HS3ST4: variants seen among roughly 807,000 people sequenced by gnomAD.
HS3ST4 encodes the protein heparan sulfate-glucosamine 3-sulfotransferase 4.
HS3ST4 carries 17 observed loss-of-function variants against 29.2 expected under a neutral mutation model. That is an observed-to-expected ratio of 0.58 (90% CI 0.40 to 0.87). HS3ST4 has a LOEUF of 0.87. Ranked by LOEUF, HS3ST4 falls within the 40% of genes least tolerant of loss-of-function variation. The pLI is 0.00. For synonymous variants in HS3ST4, 314 were observed against 285.7 expected (o/e 1.10, Z -1.00); for missense variants, 627 against 634.5 (o/e 0.99, Z 0.13).
At chr16:26,064,403 G>C (rs1322255237) in intron 1 of HS3ST4, among the ~76,000 whole-genome samples, 1 of 152,168 alleles carries the variant, frequency 6.6e-6, no homozygotes, top group Non-Finnish European at 1.5e-5. Flanking sequence ...ATGAGCAAAG[G>C]CTCAGAGGGA....
intron 1 of HS3ST4, among the ~76,000 whole-genome samples, chr16:26,124,081 C>T (rs868651060): frequency 3.3e-5 from 5 of 152,032 alleles, no homozygotes; most frequent in African/African-American, 7.2e-5. Flanking sequence ...CCACCACACC[C>T]GTCTAATTTT....
chr16:25,790,271 G>A (rs764074444), intron 1 of HS3ST4, among the ~76,000 whole-genome samples: 7 of 152,134 alleles, frequency 4.6e-5, no homozygotes, highest in Non-Finnish European at 8.8e-5. Flanking sequence ...TTAGCTGGAT[G>A]TGATGGCAGG....
chr16:25,862,976 G>A lies in HS3ST4; in HGVS notation c.734+169825G>A, dbSNP rs1416004553. 3.3e-5 allele frequency among the ~76,000 whole-genome samples: 5 copies of A among 152,102 alleles called. No individual in the cohort carries two copies. The East Asian group carries it at 9.7e-4, about 29-fold the overall frequency. ...TTTTCATCTTTGTCAAATATGTGTA[G>A]TGTGGGCTTATTATGTCTTTGATTT... On this transcript the variant is annotated intron_variant, in intron 1 of 1. Transcript: ENST00000331351.
intron 1 of HS3ST4, among the ~76,000 whole-genome samples, chr16:25,894,759 G>A (rs1253153856): frequency 1.3e-5 from 2 of 152,030 alleles, no homozygotes; most frequent in Admixed American, 6.6e-5. Context: ...ACCTGCCTCC[G>A]CCTCCCAAAG....
intron 1 of HS3ST4, among the ~76,000 whole-genome samples, chr16:26,086,005 C>T (rs1156578127): frequency 6.6e-6 from 1 of 152,134 alleles, no homozygotes; most frequent in Non-Finnish European, 1.5e-5. Context: ...CAACTCATCT[C>T]TCTGACCCTC....
At chr16:25,869,152 G>C (rs1038362940) in intron 1 of HS3ST4, among the ~76,000 whole-genome samples, 1 of 152,110 alleles carries the variant, frequency 6.6e-6, no homozygotes, top group Non-Finnish European at 1.5e-5. Context: ...TCTGCTACTC[G>C]GGAGTGGGAG....
In HS3ST4 at chr16:25,830,285, C is replaced by T. The variant is rs578148054; in HGVS notation, c.734+137134C>T. ...TAAGATCAGTGCACGTTTCACGATG[C>T]CACATTTACATTGCTTTTCTTTTCT... On this transcript the variant is annotated intron_variant, in intron 1 of 1. Transcript: ENST00000331351. Among the ~76,000 whole-genome samples, 15 of 152,346 alleles carry T rather than the reference C, an allele frequency of 9.8e-5. No homozygotes were observed. In the South Asian group the frequency reaches 2.9e-3, roughly 29 times the overall value.
intron 1 of HS3ST4, among the ~76,000 whole-genome samples, chr16:26,029,856 G>T (rs1969516222): frequency 6.6e-6 from 1 of 152,188 alleles, no homozygotes; most frequent in South Asian, 2.1e-4. Flanking sequence ...GTCAAAAGAA[G>T]TGAGTTATCC....
intron 1 of HS3ST4, among the ~76,000 whole-genome samples, chr16:26,096,838 C>G (rs62036773): frequency 1.1e-3 from 169 of 151,886 alleles, no homozygotes; most frequent in Admixed American, 2.8e-3. Context: ...AAAACCCCAT[C>G]GTCTCAGCCC....
intron 1 of HS3ST4, among the ~76,000 whole-genome samples, chr16:25,738,565 G>T (rs924386004): frequency 6.6e-6 from 1 of 152,164 alleles, no homozygotes; most frequent in Admixed American, 6.5e-5. Flanking sequence ...GTCAGGAGTT[G>T]CTGAATGTCC....
chr16:25,835,711 T>G (rs1278878656), intron 1 of HS3ST4, among the ~76,000 whole-genome samples: 2 of 152,198 alleles, frequency 1.3e-5, no homozygotes, highest in Non-Finnish European at 1.5e-5. Flanking sequence ...GGCAATTCTG[T>G]GCTGTTTCTT....
chr16:25,728,168 A>AT (rs1966549678), intron 1 of HS3ST4, among the ~76,000 whole-genome samples: 1 of 152,050 alleles, frequency 6.6e-6, no homozygotes, highest in Admixed American at 6.5e-5. Flanking sequence ...CACCCAGCCA[A>AT]TTTTTGTATT....
chr16:25,980,356 CTG>C (rs2141721918), intron 1 of HS3ST4, among the ~76,000 whole-genome samples: 1 of 152,330 alleles, frequency 6.6e-6, no homozygotes, highest in African/African-American at 2.4e-5. Flanking sequence ...TCAGAACTCA[CTG>C]TGGATGTCAT....
chr16:25,909,644 G>T (rs553939034), intron 1 of HS3ST4, among the ~76,000 whole-genome samples: 88 of 152,304 alleles, frequency 5.8e-4, no homozygotes, highest in African/African-American at 2.0e-3. Flanking sequence ...AACCACTGGG[G>T]TGAATGTTTA....
Position 25,962,454 on chromosome 16 carries a change from T to A in HS3ST4, c.735-173158T>A, listed in dbSNP as rs543159366. On this transcript the variant is annotated intron_variant, in intron 1 of 1. Coordinates refer to ENST00000331351, the MANE Select transcript of HS3ST4 (RefSeq NM_006040.3). ...TGCCTCAGTGTTCTCATCTTTAAAG[T>A]TGGCATAATGACTACATTTTAGTCA... Among the ~76,000 whole-genome samples, 3 of 152,342 alleles carry A rather than the reference T, an allele frequency of 2.0e-5. No individual in the cohort carries two copies. In the South Asian group the frequency reaches 6.2e-4, roughly 32 times the overall value.
chr16:25,873,472 A>ATCTC, intron 1 of HS3ST4, among the ~76,000 whole-genome samples: 1 of 69,184 alleles, frequency 1.4e-5, no homozygotes, highest in African/African-American at 6.5e-5. Context: ...CCACCCATCC[A>ATCTC]TCTATCTCTC....
intron 1 of HS3ST4, among the ~76,000 whole-genome samples, chr16:25,828,240 T>TTCTTTTTC (rs1555467551): frequency 1.7e-5 from 1 of 59,708 alleles, no homozygotes; most frequent in Non-Finnish European, 3.3e-5. Context: ...CTTTCTTTCT[T>TTCTTTTTC]TCTCTTTCTT....
chr16:26,079,205 C>T (rs796628376), intron 1 of HS3ST4, among the ~76,000 whole-genome samples: 43 of 152,284 alleles, frequency 2.8e-4, no homozygotes, highest in African/African-American at 9.9e-4. Context: ...ACATAATAAA[C>T]GAGCTGCCTC....
At chr16:25,865,442 G>A (rs1213379886) in intron 1 of HS3ST4, among the ~76,000 whole-genome samples, 9 of 151,946 alleles carry the variant, frequency 5.9e-5, no homozygotes, top group Non-Finnish European at 8.8e-5. Context: ...TGTAACTGTT[G>A]GCCATTCGTA....
Sources: allele counts gnomAD v4.1 joint callset (sites outside exome capture counted in the v4.1 genomes callset), GRCh38; gene constraint gnomAD v4.1.1; transcripts MANE v1.5; gene names NCBI Gene and HGNC (gene_info 2026-07-23, HGNC 2026-07-21).